SRRM3: variants seen among roughly 807,000 people sequenced by gnomAD.
SRRM3 encodes the protein serine/arginine repetitive matrix 3.
In SRRM3, 27 loss-of-function variants were observed where a neutral mutation model predicts 66.2. That is an observed-to-expected ratio of 0.41 (90% CI 0.30 to 0.56). SRRM3 has a LOEUF of 0.56. Among genes scored for constraint, SRRM3 ranks in the 20% least tolerant of loss-of-function variants. SRRM3 has a pLI of 0.32. For synonymous variants in SRRM3, 391 were observed against 414.9 expected, an observed-to-expected ratio of 0.94 and a Z score of 0.70; for missense variants, 918 against 991.9, an observed-to-expected ratio of 0.93 and a Z score of 1.00.
At position 76,267,399 on chromosome 7, in the gene SRRM3, C is replaced by T. The variant is rs953292172; in HGVS notation, c.972C>T (p.His324=). The T allele has an allele frequency of 7.7e-5, 107 of 1,395,960 alleles. No homozygotes were observed. Among genetic ancestry groups the T allele is most frequent in the Non-Finnish European group, 9.4e-5 (102 of 1,080,942 alleles). 86.5% of individuals were successfully genotyped at this position (1,395,960 alleles called of 1,614,324 possible). The change falls in exon 11 of 15, where the codon CAC becomes CAT. Residue 324 remains histidine (H), a synonymous_variant. Transcript: ENST00000611745. ...NGGSGQRSGA[H]GGRPGSAHSP... ...GCAGCGGGCAGCGGAGCGGAGCGCA[C>T]GGGGGCCGCCCCGGCTCGGCGCACA...
rs112108742 is a variant in SRRM3, at chr7:76,245,273, G to A, written c.234-2915G>A. On this transcript the variant is annotated intron_variant, in intron 2 of 14. Transcript: ENST00000611745. Reference sequence around the variant, plus strand: ...CAAATATTTGTTGAAGGAGCAGAGGGAAGCAGGGAGTAGAGAGATGGGATC... The same window carrying A: ...CAAATATTTGTTGAAGGAGCAGAGGAAAGCAGGGAGTAGAGAGATGGGATC... 4.2e-3 allele frequency among the ~76,000 whole-genome samples: 647 copies of A among 152,260 alleles called. 4 individuals carry two copies. The highest frequency in any genetic ancestry group is 0.015 in the African/African-American group (626 of 41,542).
At chr7:76,210,113 G>T (rs148947895) in intron 1 of SRRM3, among the ~76,000 whole-genome samples, 1 of 152,268 alleles carries the variant, frequency 6.6e-6, no homozygotes, top group African/African-American at 2.4e-5. Context: ...CCACTGAAAG[G>T]GGGTACAGGA....
At chr7:76,228,705 C>T (rs921901188) in intron 1 of SRRM3, among the ~76,000 whole-genome samples, 6 of 152,080 alleles carry the variant, frequency 3.9e-5, no homozygotes, top group African/African-American at 1.4e-4. Flanking sequence ...GCCCAGGCAA[C>T]AGTGCGAGAC....
chr7:76,269,553 A>G (rs945760910), intron 11 of SRRM3: 1 of 151,910 alleles, frequency 6.6e-6, no homozygotes, highest in South Asian at 2.1e-4. Context: ...AAAAAAGAAA[A>G]GAAAAAAAGA....
chr7:76,251,366 C>T (rs1801576855), intron 3 of SRRM3, among the ~76,000 whole-genome samples: 1 of 152,022 alleles, frequency 6.6e-6, no homozygotes. Flanking sequence ...CACCTGTAAT[C>T]CCAGCAGCAC....
intron 2 of SRRM3, among the ~76,000 whole-genome samples, chr7:76,240,556 C>T (rs1801261429): frequency 6.8e-6 from 1 of 147,948 alleles, no homozygotes. Context: ...GGAGGCGGAG[C>T]TTGCAGTGAG....
chr7:76,281,902 G>A (rs1563642836), intron 12 of SRRM3, 100 bp downstream of exon 12: 1 of 981,018 alleles, frequency 1.0e-6, no homozygotes. Flanking sequence ...CCCGCGCTGA[G>A]CTACCCTCCA....
intron 2 of SRRM3, among the ~76,000 whole-genome samples, chr7:76,247,556 G>C (rs1173492172): frequency 6.6e-6 from 1 of 152,172 alleles, no homozygotes; most frequent in Admixed American, 6.5e-5. Context: ...GCCCTGGTGG[G>C]TGGAGGAGGG....
At chr7:76,259,582 T>TA (rs1801801855) in intron 3 of SRRM3, among the ~76,000 whole-genome samples, 1 of 140,810 alleles carries the variant, frequency 7.1e-6, no homozygotes. Context: ...ATCTCCAAAA[T>TA]TAAAAAAAAA....
chr7:76,266,525 T>TATTTAATATATAAATATTTATATATTAC lies in SRRM3; in HGVS notation c.831-731_831-730insTTAATATATAAATATTTATATATTACAT, dbSNP rs1563635341. ...TTAATATATAAATATTTATATATTA[T>TATTTAATATATAAATATTTATATATTAC]ATATTTAATATATAAATATTTATAT... On this transcript the variant is annotated intron_variant, in intron 10 of 14. Transcript: ENST00000611745. 4.6e-4 allele frequency among the ~76,000 whole-genome samples: 51 copies of TATTTAATATATAAATATTTATATATTAC among 111,804 alleles called. 1 individual carries two copies. The highest frequency in any genetic ancestry group is 1.8e-3 in the African/African-American group (48 of 26,760). 73.3% of individuals were successfully genotyped at this position (111,804 alleles called of 152,430 possible). A position where few individuals can be genotyped will look rare whatever the true frequency, so the allele number is the denominator to read the frequency against.
chr7:76,281,844 C>CCCCCCCGG, intron 12 of SRRM3, 42 bp downstream of exon 12: 2 of 1,206,384 alleles, frequency 1.7e-6, no homozygotes, highest in East Asian at 4.3e-5. Flanking sequence ...GCCCCCACCC[C>CCCCCCCGG]GCACAGGGCT....
chr7:76,233,783 T>G (rs1554604466), intron 1 of SRRM3, among the ~76,000 whole-genome samples: 1 of 152,090 alleles, frequency 6.6e-6, no homozygotes, highest in African/African-American at 2.4e-5. Context: ...CTAGAACCCA[T>G]GCACTTGGGA....
At chr7:76,282,186 C>T (rs1554612020) in intron 12 of SRRM3, among the ~76,000 whole-genome samples, 1 of 150,254 alleles carries the variant, frequency 6.7e-6, no homozygotes, top group African/African-American at 2.5e-5. Context: ...CCTCCACTGA[C>T]CTCCAAACTC....
rs554765248 is a variant in SRRM3 at position 76,211,698 on chromosome 7, G to C, written c.-40+9631G>C. On this transcript the variant is annotated intron_variant, in intron 1 of 14. Coordinates refer to ENST00000611745, the MANE Select transcript of SRRM3 (RefSeq NM_001110199.3). ...GCAGCCATGGTCCCTAGGTGCAGAG[G>C]TACCTGCCCCAGTATTTCTAGAACA... Among the ~76,000 whole-genome samples, 14 of 152,086 alleles carry C rather than the reference G, an allele frequency of 9.2e-5. No homozygotes were observed. The South Asian group carries it at 2.5e-3, about 27-fold the overall frequency.
intron 14 of SRRM3, among the ~76,000 whole-genome samples, chr7:76,284,512 C>T (rs1802609707): frequency 6.6e-6 from 1 of 152,126 alleles, no homozygotes; most frequent in East Asian, 1.9e-4. Context: ...TCCTCTCCCA[C>T]CTCCTGTCCA....
rs1554612664 is a variant in SRRM3, at chr7:76,285,652, C to T, written c.1771C>T (p.Pro591Ser). ...TCCTATTCCATACTACCGGCCCAGCCCCTCTTCCTCCTCCAGCTGCTTGAG... is the reference window on the plus strand; with the variant it reads ...TCCTATTCCATACTACCGGCCCAGCTCCTCTTCCTCCTCCAGCTGCTTGAG... The part of the protein sequence containing the change: ...KRPIPYYRPS[P>S]SSSSSCLSSD... The change falls in exon 15 of 15, where the codon CCC becomes TCC. Residue 591 changes from proline (P) to serine (S), a missense_variant. Pro to Ser is a moderately conservative substitution (Grantham distance 74, BLOSUM62 -1). Coordinates refer to ENST00000611745, the MANE Select transcript of SRRM3 (RefSeq NM_001110199.3). This position sits in a 1 kb window ranked among gnomAD's most constrained non-coding sequence, Gnocchi z 4.1. The T allele has an allele frequency of 6.4e-7, 1 of 1,551,116 alleles. No homozygotes were observed. The highest frequency in any genetic ancestry group is 8.7e-7 in the Non-Finnish European group (1 of 1,146,930).
intron 9 of SRRM3, among the ~76,000 whole-genome samples, 190 bp downstream of exon 9, chr7:76,265,005 C>T (rs1801972250): frequency 6.6e-6 from 1 of 152,160 alleles, no homozygotes; most frequent in Non-Finnish European, 1.5e-5. Flanking sequence ...AGGCCTCTTG[C>T]CTTCCAATCC....
At chr7:76,265,847 T>A (rs782015383) in intron 10 of SRRM3, among the ~76,000 whole-genome samples, 101 of 8,384 alleles carry the variant, frequency 0.012, no homozygotes, top group African/African-American at 0.057. Flanking sequence ...TATATATATA[T>A]ATATATATAT....
intron 11 of SRRM3, among the ~76,000 whole-genome samples, chr7:76,278,892 G>A (rs1456633484): frequency 6.6e-6 from 1 of 152,202 alleles, no homozygotes; most frequent in African/African-American, 2.4e-5. Context: ...AGGAAACTGT[G>A]CTCCTTCCAG....
Sources: gnomAD v4.1 joint callset for allele counts (sites outside exome capture counted in the v4.1 genomes callset) on GRCh38, gnomAD v4.1.1 for gene constraint, Gnocchi (gnomAD v3.1) non-coding constraint, MANE v1.5 for transcripts, NCBI Gene and HGNC (gene_info 2026-07-23, HGNC 2026-07-21) for gene names.